Variants in PDLIM5 observed in about 807,000 individuals in gnomAD.
PDLIM5 encodes the protein PDZ and LIM domain protein 5.
In PDLIM5, 34 loss-of-function variants were observed where a neutral mutation model predicts 64.2. The observed-to-expected ratio is 0.53, with a 90% confidence interval of 0.40 to 0.71. PDLIM5 has a LOEUF of 0.71. Ranked by LOEUF, PDLIM5 falls within the 30% of genes least tolerant of loss-of-function variation. PDLIM5 has a pLI of 0.00. For missense variants in PDLIM5, 683 were observed against 733.6 expected, an observed-to-expected ratio of 0.93 and a Z score of 0.80; for synonymous variants, 253 against 269.1, an observed-to-expected ratio of 0.94 and a Z score of 0.59.
At chr4:94,498,957 G>A (rs1185858773) in intron 2 of PDLIM5, among the ~76,000 whole-genome samples, 6 of 152,070 alleles carry the variant, frequency 3.9e-5, no homozygotes, top group Admixed American at 6.6e-5. Flanking sequence ...AGCTGTTAAC[G>A]GTAAAAATGT....
intron 8 of PDLIM5, among the ~76,000 whole-genome samples, chr4:94,623,912 A>G (rs961549455): frequency 6.6e-6 from 1 of 152,228 alleles, no homozygotes; most frequent in Non-Finnish European, 1.5e-5. Context: ...TTCAGAATTA[A>G]GATCGTGAAC....
intron 9 of PDLIM5, among the ~76,000 whole-genome samples, chr4:94,652,547 A>G (rs1293313721): frequency 6.6e-6 from 1 of 152,218 alleles, no homozygotes; most frequent in African/African-American, 2.4e-5. Flanking sequence ...AGAAAATTAG[A>G]TGAAGGAACT....
chr4:94,452,998 C>G (rs1389682985), intron 1 of PDLIM5, among the ~76,000 whole-genome samples: 1 of 151,354 alleles, frequency 6.6e-6, no homozygotes, highest in Admixed American at 6.6e-5. Flanking sequence ...AATTTCAGGC[C>G]TTTTTTTTTG....
chr4:94,539,620 C>T (rs1288683848), intron 3 of PDLIM5, among the ~76,000 whole-genome samples: 2 of 152,018 alleles, frequency 1.3e-5, no homozygotes, highest in Non-Finnish European at 2.9e-5. Flanking sequence ...TACAGGTGGA[C>T]GATTCTCAGA....
intron 8 of PDLIM5, among the ~76,000 whole-genome samples, chr4:94,622,614 C>G (rs1449137257): frequency 2.0e-5 from 3 of 151,894 alleles, no homozygotes; most frequent in African/African-American, 7.3e-5. Context: ...TTTTTGTGAG[C>G]CTTTTCCCTC....
intron 7 of PDLIM5, among the ~76,000 whole-genome samples, chr4:94,603,475 GC>G (rs913325851): frequency 4.6e-5 from 7 of 151,944 alleles, no homozygotes; most frequent in Admixed American, 6.6e-5. Context: ...GGACTGTAAT[GC>G]CCCCCCAACC....
At chr4:94,616,789 C>T (rs568737563) in intron 7 of PDLIM5, among the ~76,000 whole-genome samples, 30 of 152,262 alleles carry the variant, frequency 2.0e-4, no homozygotes, top group Non-Finnish European at 3.5e-4. Context: ...GAATAGGGAG[C>T]AATATTTCAA....
At chr4:94,567,705 A>T (rs922210315) in intron 3 of PDLIM5, among the ~76,000 whole-genome samples, 5 of 152,214 alleles carry the variant, frequency 3.3e-5, no homozygotes, top group Admixed American at 2.6e-4. Context: ...CATTTATAGT[A>T]TGTAGAAGCA....
intron 2 of PDLIM5, among the ~76,000 whole-genome samples, chr4:94,484,495 A>G (rs1726140674): frequency 6.6e-6 from 1 of 152,234 alleles, no homozygotes; most frequent in South Asian, 2.1e-4. Flanking sequence ...TTTATATGTC[A>G]GAATAAGTAT....
In PDLIM5 at chr4:94,456,979, A is replaced by G. The variant is rs1482922241; in HGVS notation, c.96+1595A>G. The G allele has an allele frequency of 7.1e-6, 7 of 986,598 alleles. No homozygotes were observed. The African/African-American group carries it at 8.7e-5, about 12-fold the overall frequency. 61.1% of individuals were successfully genotyped at this position (986,598 alleles called of 1,614,324 possible). ...ACAGTTATGCTGTGCTGCCTCTTTA[A>G]TAATTCACTTTACCTTAAATTTAGT... On this transcript the variant is annotated intron_variant, in intron 2 of 12. Coordinates refer to ENST00000317968, the MANE Select transcript of PDLIM5 (RefSeq NM_006457.5).
At chr4:94,553,747 T>C (rs1343094666) in intron 3 of PDLIM5, among the ~76,000 whole-genome samples, 1 of 152,154 alleles carries the variant, frequency 6.6e-6, no homozygotes, top group African/African-American at 2.4e-5. Context: ...ATTACAGAGC[T>C]CTCCATGTGT....
Position 94,456,633 on chromosome 4 carries a change from A to G in PDLIM5, c.96+1249A>G, listed in dbSNP as rs552645418. On this transcript the variant is annotated intron_variant, in intron 2 of 12. Coordinates refer to ENST00000317968, the MANE Select transcript of PDLIM5 (RefSeq NM_006457.5). ...TTATAAGGAAAGTGACATTTAACCAATCCCCTACTGAAGAGTATTTGTGGC... is the reference window on the plus strand; with the variant it reads ...TTATAAGGAAAGTGACATTTAACCAGTCCCCTACTGAAGAGTATTTGTGGC... 9.6e-5 allele frequency: 80 copies of G among 831,472 alleles called. 1 individual carries two copies. Among genetic ancestry groups the G allele is most frequent in the South Asian group, 4.0e-4 (24 of 60,394 alleles). 51.5% of individuals were successfully genotyped at this position (831,472 alleles called of 1,614,324 possible).
chr4:94,665,514 AGAG>A lies in PDLIM5; in HGVS notation c.*1448_*1450del. On this transcript the variant is annotated 3_prime_UTR_variant, in exon 13 of 13. Coordinates refer to ENST00000317968, the MANE Select transcript of PDLIM5 (RefSeq NM_006457.5). ...AAAAAAAAAAAAAAAAAAGAGAGAG[AGAG>A]AATAAATAGAAAAGAATGTGGCTGG... 16 of 732,590 alleles carry A rather than the reference AGAG, an allele frequency of 2.2e-5. No homozygotes were observed. The highest frequency in any genetic ancestry group is 6.5e-5 in the Admixed American group (1 of 15,430). The allele number at this position is 732,590 out of a possible 1,614,324, so 45.4% of individuals were successfully genotyped here.
chr4:94,544,453 GT>G (rs1184894837), intron 3 of PDLIM5, among the ~76,000 whole-genome samples: 1 of 152,188 alleles, frequency 6.6e-6, no homozygotes, highest in African/African-American at 2.4e-5. Context: ...CAGTGTGGGA[GT>G]GGGCTCAAGC....
intron 9 of PDLIM5, among the ~76,000 whole-genome samples, chr4:94,654,071 A>T (rs1742031661): frequency 6.6e-6 from 1 of 152,156 alleles, no homozygotes; most frequent in South Asian, 2.1e-4. Context: ...TCAAAGTCTC[A>T]TCTCTGCCTA....
At chr4:94,587,791 T>C (rs1449273111) in intron 7 of PDLIM5, 1 of 902,570 alleles carries the variant, frequency 1.1e-6, no homozygotes, top group Non-Finnish European at 1.3e-6. Flanking sequence ...AAAGGAAATA[T>C]CTCTAGTGGA....
At chr4:94,455,148 C>A (rs923847535) in intron 1 of PDLIM5, 99 bp from the exon 2 acceptor site, 6 of 583,556 alleles carry the variant, frequency 1.0e-5, no homozygotes, top group Non-Finnish European at 1.9e-5. Flanking sequence ...GACTTATCTT[C>A]TATATCCTCT....
In PDLIM5 at chr4:94,509,027, A is replaced by T. The variant is rs111432527; in HGVS notation, c.97-14697A>T. 3.8e-3 allele frequency among the ~76,000 whole-genome samples: 578 copies of T among 152,168 alleles called. 7 individuals carry two copies. The highest frequency in any genetic ancestry group is 0.013 in the African/African-American group (528 of 41,514). ...TGCAAATTCCAAACCATGTTTTATT[A>T]CTCAAAGCAGTTGTCATCATCTCTT... On this transcript the variant is annotated intron_variant, in intron 2 of 12. Transcript: ENST00000317968.
At position 94,667,834 on chromosome 4, in the gene PDLIM5, GA is replaced by G. The variant is rs1331704527; in HGVS notation, c.*3771del. 5 of 151,920 alleles carry G rather than the reference GA, an allele frequency of 3.3e-5. No homozygotes were observed. Among genetic ancestry groups the G allele is most frequent in the Non-Finnish European group, 7.4e-5 (5 of 67,988 alleles). 9.4% of individuals were successfully genotyped at this position (151,920 alleles called of 1,614,324 possible). A position where few individuals can be genotyped will look rare whatever the true frequency, so the allele number is the denominator to read the frequency against. On this transcript the variant is annotated 3_prime_UTR_variant, in exon 13 of 13. Coordinates refer to ENST00000317968, the MANE Select transcript of PDLIM5 (RefSeq NM_006457.5). ...GTACTACATTAGGAGCCCTTTTATAGAAAATAATTTCTTCTTTACCCCCGTT... is the reference window on the plus strand; with the variant it reads ...GTACTACATTAGGAGCCCTTTTATAGAAATAATTTCTTCTTTACCCCCGTT...
Sources: allele counts gnomAD v4.1 joint callset (sites outside exome capture counted in the v4.1 genomes callset), GRCh38; gene constraint gnomAD v4.1.1; transcripts MANE v1.5; gene names NCBI Gene and HGNC (gene_info 2026-07-23, HGNC 2026-07-21).